DACH2: variants seen among roughly 807,000 people sequenced by gnomAD.
The protein encoded by DACH2 is dachshund homolog 2.
Under a neutral mutation model 35.8 loss-of-function variants are expected in DACH2, and 17 were observed. The observed-to-expected ratio is 0.48, with a 90% CI of 0.33 to 0.71. DACH2 has a LOEUF of 0.71. DACH2 is among the 30% of genes least tolerant of loss of function. The pLI, the probability that DACH2 is intolerant of heterozygous loss-of-function variation, is 0.02. For missense variants in DACH2, 469 were observed against 472.7 expected (o/e 0.99, Z 0.07); for synonymous variants, 195 against 177.3 (o/e 1.10, Z -0.79).
intron 2 of DACH2, among the ~76,000 whole-genome samples, chrX:86,425,231 T>G (rs1256469983): frequency 9.0e-6 from 1 of 110,804 alleles, no homozygotes; most frequent in Non-Finnish European, 1.9e-5. Context: ...CCTGTTTTTT[T>G]GGAAAAGTTT....
chrX:86,218,426 A>G (rs2032627004), intron 1 of DACH2, among the ~76,000 whole-genome samples: 1 of 111,954 alleles, frequency 8.9e-6, no homozygotes, highest in African/African-American at 3.2e-5. Flanking sequence ...ATTTTTATCT[A>G]AAATTGGTCA....
intron 4 of DACH2, among the ~76,000 whole-genome samples, chrX:86,694,358 T>C (rs772483231): frequency 8.9e-6 from 1 of 112,324 alleles, no homozygotes; most frequent in Non-Finnish European, 1.9e-5. Context: ...CTATCCCCCA[T>C]AGTATGCTAG....
intron 3 of DACH2, among the ~76,000 whole-genome samples, chrX:86,617,718 A>G (rs1212728692): frequency 8.9e-6 from 1 of 112,084 alleles, no homozygotes; most frequent in South Asian, 3.7e-4. Context: ...TACAAGTACT[A>G]TAAAATGTGA....
intron 3 of DACH2, among the ~76,000 whole-genome samples, chrX:86,586,590 G>A (rs183054735): frequency 1.7e-3 from 190 of 111,596 alleles, no homozygotes; most frequent in Non-Finnish European, 2.3e-3. Flanking sequence ...TCCATCTTCA[G>A]TTGATTTTTG....
chrX:86,406,515 A>G (rs1303898982), intron 2 of DACH2, among the ~76,000 whole-genome samples: 1 of 112,021 alleles, frequency 8.9e-6, no homozygotes, highest in Non-Finnish European at 1.9e-5. Context: ...AGCTGCACAT[A>G]TTCACCCTGA....
chrX:86,638,860 A>G (rs974110266), intron 3 of DACH2, among the ~76,000 whole-genome samples: 1 of 112,231 alleles, frequency 8.9e-6, no homozygotes, highest in African/African-American at 3.2e-5. Flanking sequence ...AAATTTCTCA[A>G]TGAACTAAAA....
intron 2 of DACH2, among the ~76,000 whole-genome samples, chrX:86,504,516 T>C (rs2038296248): frequency 1.0e-5 from 1 of 98,635 alleles, no homozygotes; most frequent in Non-Finnish European, 2.2e-5. Flanking sequence ...TTATTTATTT[T>C]AAAATTTCCG....
chrX:86,192,625 G>A (rs2031864728), intron 1 of DACH2, among the ~76,000 whole-genome samples: 2 of 111,756 alleles, frequency 1.8e-5, no homozygotes, highest in Non-Finnish European at 3.8e-5. Flanking sequence ...TGTTAACTTG[G>A]TTAACTCTAT....
chrX:86,814,592 T>C, intron 9 of DACH2, 96 bp from the exon 10 acceptor site: 1 of 863,811 alleles, frequency 1.2e-6, no homozygotes, highest in East Asian at 3.2e-5. Context: ...TCTATATCTC[T>C]CTTTATCTAT....
At chrX:86,567,688 C>A (rs980777220) in intron 3 of DACH2, among the ~76,000 whole-genome samples, 2 of 111,292 alleles carry the variant, frequency 1.8e-5, no homozygotes, top group Admixed American at 1.9e-4. Flanking sequence ...TGTTAACTGG[C>A]CAGCTGTTTG....
At chrX:86,591,314 T>G (rs1460429386) in intron 3 of DACH2, among the ~76,000 whole-genome samples, 1 of 111,514 alleles carries the variant, frequency 9.0e-6, no homozygotes, top group Non-Finnish European at 1.9e-5. Flanking sequence ...GCAGCACGAT[T>G]TATAATCCTT....
chrX:86,503,119 T>C (rs1260663676), intron 2 of DACH2, among the ~76,000 whole-genome samples: 2 of 112,405 alleles, frequency 1.8e-5, no homozygotes, highest in Admixed American at 1.9e-4. Flanking sequence ...ATAAATAGAA[T>C]TCCCTCATGT....
chrX:86,644,974 C>T (rs766221687), intron 3 of DACH2, among the ~76,000 whole-genome samples: 1 of 110,512 alleles, frequency 9.0e-6, no homozygotes, highest in South Asian at 3.8e-4. Context: ...TGGAAGACAA[C>T]CTAGGCAATA....
At chrX:86,626,719 T>C (rs1224251346) in intron 3 of DACH2, among the ~76,000 whole-genome samples, 1 of 113,099 alleles carries the variant, frequency 8.8e-6, no homozygotes, top group Admixed American at 9.3e-5. Flanking sequence ...CCACAAAGGC[T>C]TGGGGCTTGC....
chrX:86,463,375 T>A (rs2037608605), intron 2 of DACH2, among the ~76,000 whole-genome samples: 1 of 110,111 alleles, frequency 9.1e-6, no homozygotes, highest in Non-Finnish European at 1.9e-5. Flanking sequence ...GTGTAGAACA[T>A]CTACAACCAC....
At chrX:86,183,626 C>T (rs1454880614) in intron 1 of DACH2, among the ~76,000 whole-genome samples, 1 of 111,468 alleles carries the variant, frequency 9.0e-6, no homozygotes, top group African/African-American at 3.3e-5. Flanking sequence ...GGATATTGGC[C>T]TGAAATTTTC....
intron 3 of DACH2, among the ~76,000 whole-genome samples, chrX:86,611,088 C>G (rs1382435139): frequency 1.8e-5 from 2 of 110,972 alleles, no homozygotes; most frequent in East Asian, 5.7e-4. Flanking sequence ...CTTGGTATCA[C>G]TGCTGGTTAT....
chrX:86,411,528 C>T (rs952083208), intron 2 of DACH2, among the ~76,000 whole-genome samples: 1 of 111,010 alleles, frequency 9.0e-6, no homozygotes, highest in Admixed American at 9.6e-5. Context: ...TTACACCTAA[C>T]ATCATATGAC....
chrX:86,718,737 C>A lies in DACH2; in HGVS notation c.1104+4017C>A, dbSNP rs1345801233. ...CAGCACCATTTGTTGAAAAGGGTGT[C>A]ATTTCCCCAGTATATGTTCCTGTTG... On this transcript the variant is annotated intron_variant, in intron 6 of 11. Transcript: ENST00000373125. Among the ~76,000 whole-genome samples the A allele has an allele frequency of 1.3e-4, 14 of 111,743 alleles. No homozygotes were observed. The East Asian group carries it at 4.0e-3, about 32-fold the overall frequency.
Sources: gnomAD v4.1 joint callset for allele counts (sites outside exome capture counted in the v4.1 genomes callset) on GRCh38, gnomAD v4.1.1 for gene constraint, MANE v1.5 for transcripts, NCBI Gene and HGNC (gene_info 2026-07-23, HGNC 2026-07-21) for gene names.